Variants in NRG1 observed in about 807,000 individuals in gnomAD.
The protein encoded by NRG1 is neuregulin 1.
A neutral mutation model predicts 63.8 loss-of-function variants in NRG1; 18 were observed. That is an observed-to-expected ratio of 0.28 (90% CI 0.19 to 0.42). The LOEUF (loss-of-function observed/expected upper bound fraction) is 0.42. NRG1 is among the 10% of genes least tolerant of loss of function. NRG1 has a pLI of 1.00. For synonymous variants in NRG1, 302 were observed against 301.3 expected, an observed-to-expected ratio of 1.00 and a Z score of -0.02; for missense variants, 762 against 814.7, an observed-to-expected ratio of 0.94 and a Z score of 0.79.
At chr8:32,555,327 T>C (rs932088360) in intron 1 of NRG1, among the ~76,000 whole-genome samples, 4 of 152,216 alleles carry the variant, frequency 2.6e-5, no homozygotes, top group Non-Finnish European at 5.9e-5. Flanking sequence ...AACAGATCTT[T>C]ACTAACACAT....
chr8:32,647,248 T>C (rs1469211957), intron 5 of NRG1: 28 of 985,254 alleles, frequency 2.8e-5, no homozygotes, highest in Non-Finnish European at 3.3e-5. Flanking sequence ...CCGCTGCTGC[T>C]GCCGCCGCCG....
rs76841073 is a variant in NRG1 at position 32,757,246 on chromosome 8, T to C, written c.921+717T>C. Among the ~76,000 whole-genome samples the C allele has an allele frequency of 2.7e-3, 409 of 152,344 alleles. 14 individuals are homozygous for C. In the East Asian group the frequency reaches 0.072, roughly 27 times the overall value. ...CTGGAGAGTTTGAAGATATTATCTT[T>C]CAAATCTCTCTTTTTCTTTTTACAG... On this transcript the variant is annotated intron_variant, in intron 9 of 11. Transcript: ENST00000356819.
At chr8:32,630,894 C>G (rs1220522713) in intron 5 of NRG1, among the ~76,000 whole-genome samples, 2 of 152,066 alleles carry the variant, frequency 1.3e-5, no homozygotes, top group Non-Finnish European at 2.9e-5. Context: ...AAAGCCACAA[C>G]AGGTATCTGC....
chr8:31,898,768 A>C (rs973395397), intron 1 of NRG1, among the ~76,000 whole-genome samples: 2 of 152,242 alleles, frequency 1.3e-5, no homozygotes, highest in African/African-American at 4.8e-5. Flanking sequence ...ACAGGTAAAG[A>C]TGATGGGACA....
intron 1 of NRG1, among the ~76,000 whole-genome samples, chr8:32,218,285 C>T (rs968634085): frequency 6.6e-6 from 1 of 152,168 alleles, no homozygotes; most frequent in Admixed American, 6.5e-5. Flanking sequence ...ACCATTCAAA[C>T]CATGTTCAAG....
chr8:32,198,176 T>C (rs1843148311), intron 1 of NRG1, among the ~76,000 whole-genome samples: 1 of 152,152 alleles, frequency 6.6e-6, no homozygotes, highest in African/African-American at 2.4e-5. Context: ...CTTTTTTGTT[T>C]GTTTGTTTGT....
intron 1 of NRG1, among the ~76,000 whole-genome samples, chr8:31,700,692 C>T (rs1211702008): frequency 6.6e-6 from 1 of 152,146 alleles, no homozygotes; most frequent in Non-Finnish European, 1.5e-5. Flanking sequence ...TGCTCCAGTA[C>T]ATGAAATTTG....
At chr8:31,684,435 A>G (rs1808654248) in intron 1 of NRG1, among the ~76,000 whole-genome samples, 1 of 152,192 alleles carries the variant, frequency 6.6e-6, no homozygotes, top group Non-Finnish European at 1.5e-5. Flanking sequence ...CTCGTCAGAC[A>G]TTAATTCTGC....
At chr8:31,719,844 T>TC in intron 1 of NRG1, among the ~76,000 whole-genome samples, 1 of 151,580 alleles carries the variant, frequency 6.6e-6, no homozygotes, top group Non-Finnish European at 1.5e-5. Flanking sequence ...GATTATGATT[T>TC]TTTTTTTTAG....
chr8:32,398,493 CCCTGCCTCCCAGGTTCGAGCGATTTT>C (rs1563409060), intron 1 of NRG1, among the ~76,000 whole-genome samples: 1 of 151,954 alleles, frequency 6.6e-6, no homozygotes, highest in African/African-American at 2.4e-5. Flanking sequence ...TCACTGCAAC[CCCTGCCTCCCAGGTTCGAGCGATTTT>C]CCTGCCTCAG....
In NRG1 at chr8:32,406,268, C is replaced by G. The variant is rs73675175; in HGVS notation, c.38-189560C>G. ...CATCTTGCATGGTCAGGGGCACGGT[C>G]TCGGGAACCAGACTGTGTGGGTTTG... On this transcript the variant is annotated intron_variant, in intron 1 of 10. Transcript: ENST00000519301. Among the ~76,000 whole-genome samples, 972 of 152,264 alleles carry G rather than the reference C, an allele frequency of 6.4e-3. 12 individuals are homozygous for G. The highest frequency in any genetic ancestry group is 0.022 in the African/African-American group (933 of 41,552).
chr8:32,735,933 T>C (rs1268619110), intron 6 of NRG1, among the ~76,000 whole-genome samples: 1 of 152,162 alleles, frequency 6.6e-6, no homozygotes, highest in African/African-American at 2.4e-5. Flanking sequence ...TTTCTCAGCA[T>C]TTACCCATGA....
At chr8:32,620,521 GAAAAAAAAA>G (rs57462564) in intron 5 of NRG1, among the ~76,000 whole-genome samples, 2 of 122,206 alleles carry the variant, frequency 1.6e-5, no homozygotes, top group Admixed American at 1.7e-4. Context: ...TGGATTAGAA[GAAAAAAAAA>G]AAAAAAAAAA....
intron 5 of NRG1, chr8:32,721,868 T>A (rs1820731876): frequency 5.7e-6 from 8 of 1,412,034 alleles, no homozygotes; most frequent in Non-Finnish European, 6.5e-6. Context: ...GAGCTTCATC[T>A]TCAGGAACCA....
intron 1 of NRG1, among the ~76,000 whole-genome samples, chr8:32,426,577 GA>G (rs1364534960): frequency 6.6e-6 from 1 of 152,124 alleles, no homozygotes; most frequent in East Asian, 1.9e-4. Flanking sequence ...TTATGTTTGT[GA>G]AGATGATAAA....
At chr8:31,972,690 C>G (rs1178007910) in intron 1 of NRG1, among the ~76,000 whole-genome samples, 1 of 152,120 alleles carries the variant, frequency 6.6e-6, no homozygotes, top group African/African-American at 2.4e-5. Flanking sequence ...TCTCATCGCC[C>G]TTCACCACTC....
At chr8:32,383,407 A>G (rs1248777861) in intron 1 of NRG1, among the ~76,000 whole-genome samples, 1 of 152,204 alleles carries the variant, frequency 6.6e-6, no homozygotes, top group African/African-American at 2.4e-5. Context: ...CCCGTCATTG[A>G]GGGTAGCCAC....
At position 31,640,745 on chromosome 8, in the gene NRG1, T is replaced by C. The variant is rs73584595; in HGVS notation, c.37+1314T>C. 0.012 allele frequency: 18,335 copies of C among 1,512,362 alleles called. 1,930 individuals are homozygous for C. In the African/African-American group the frequency reaches 0.23, roughly 19 times the overall value. The allele number at this position is 1,512,362 out of a possible 1,614,324, so 93.7% of individuals were successfully genotyped here. ...AAGCGGTGCGGTAAGTTCCTCGCCC[T>C]TGGGGGCGCGAACCCGCGGCGAGGA... On this transcript the variant is annotated intron_variant, in intron 1 of 10. Coordinates refer to the NRG1 transcript ENST00000519301. This position sits in a 1 kb window ranked among gnomAD's most constrained non-coding sequence, Gnocchi z 6.3.
At chr8:32,325,238 G>A (rs1801855171) in intron 1 of NRG1, among the ~76,000 whole-genome samples, 1 of 152,104 alleles carries the variant, frequency 6.6e-6, no homozygotes, top group Non-Finnish European at 1.5e-5. Flanking sequence ...TGTTTTACTA[G>A]GCTTTATAGC....
Sources: allele counts gnomAD v4.1 joint callset (sites outside exome capture counted in the v4.1 genomes callset), GRCh38; gene constraint gnomAD v4.1.1; non-coding constraint Gnocchi (gnomAD v3.1); transcripts MANE v1.5; gene names NCBI Gene and HGNC (gene_info 2026-07-23, HGNC 2026-07-21).